SASH1: variants seen among roughly 807,000 people sequenced by gnomAD.
SASH1 encodes the protein SAM and SH3 domain-containing protein 1.
SASH1 carries 44 observed loss-of-function variants against 125.2 expected under a neutral mutation model. The observed-to-expected ratio is 0.35, with a 90% CI of 0.28 to 0.45. The LOEUF (loss-of-function observed/expected upper bound fraction) is 0.45. Among genes scored for constraint, SASH1 ranks in the 20% least tolerant of loss-of-function variants. The pLI is 1.00. For synonymous variants in SASH1, 639 were observed against 649.1 expected (o/e 0.98, Z 0.24); for missense variants, 1,426 against 1,614.5 (o/e 0.88, Z 2.00).
At chr6:148,447,942 C>G (rs548508767) in intron 4 of SASH1, among the ~76,000 whole-genome samples, 4 of 152,150 alleles carry the variant, frequency 2.6e-5, no homozygotes, top group Non-Finnish European at 4.4e-5. Flanking sequence ...ACCATTACCC[C>G]CCGCTGCCCA....
chr6:148,498,126 G>A (rs1330054143), intron 8 of SASH1, among the ~76,000 whole-genome samples: 1 of 151,832 alleles, frequency 6.6e-6, no homozygotes, highest in African/African-American at 2.4e-5. Context: ...GCTCACACCT[G>A]TAATCCCAGC....
chr6:148,447,489 C>G (rs1362064690), intron 4 of SASH1, among the ~76,000 whole-genome samples: 1 of 152,200 alleles, frequency 6.6e-6, no homozygotes, highest in Non-Finnish European at 1.5e-5. Flanking sequence ...TCTTCACCCT[C>G]TTTCCTCTGA....
At chr6:148,260,264 A>G in the SASH1 span, among the ~76,000 whole-genome samples, 1 of 152,150 alleles carries the variant, frequency 6.6e-6, no homozygotes, top group South Asian at 2.1e-4. Context: ...AAGAAGCTTA[A>G]TTTTTATATT....
At chr6:148,398,656 C>G (rs1329599844) in intron 2 of SASH1, among the ~76,000 whole-genome samples, 1 of 152,118 alleles carries the variant, frequency 6.6e-6, no homozygotes, top group African/African-American at 2.4e-5. Context: ...GCTGAAGCCC[C>G]GTTGTTTCTC....
upstream of SASH1, among the ~76,000 whole-genome samples, chr6:148,342,370 G>A (rs1781352920): frequency 6.6e-6 from 1 of 151,868 alleles, no homozygotes; most frequent in South Asian, 2.1e-4. Flanking sequence ...GTCGCTTAAA[G>A]ATTAACTTTC....
At chr6:148,446,373 G>C (rs996258417) in intron 4 of SASH1, among the ~76,000 whole-genome samples, 21 of 152,130 alleles carry the variant, frequency 1.4e-4, no homozygotes, top group Non-Finnish European at 2.9e-5. Flanking sequence ...CTCCTAAAGT[G>C]CTGGGATGAC....
Position 148,342,996 on chromosome 6 carries a change from C to A in SASH1, c.-72C>A. 1 of 1,074,744 alleles carries A rather than the reference C, an allele frequency of 9.3e-7. No individual in the cohort carries two copies. 66.6% of individuals were successfully genotyped at this position (1,074,744 alleles called of 1,614,324 possible). A position where few individuals can be genotyped will look rare whatever the true frequency, so the allele number is the denominator to read the frequency against. ...CGCGGGCGGGGACCCGGCATCCGGG[C>A]AGGCTGCGCGCGGGTGCGGGGCGAG... On this transcript the variant is annotated 5_prime_UTR_variant, in exon 1 of 20. Coordinates refer to ENST00000367467, the MANE Select transcript of SASH1 (RefSeq NM_015278.5).
At chr6:148,351,191 G>GTTTTTT (rs67285564) in intron 1 of SASH1, among the ~76,000 whole-genome samples, 1 of 102,156 alleles carries the variant, frequency 9.8e-6, no homozygotes, top group Non-Finnish European at 2.0e-5. Flanking sequence ...TGCGATAGTA[G>GTTTTTT]TTTTTTTTTT....
chr6:148,333,725 C>A, intron 1 of SASH1, among the ~76,000 whole-genome samples: 1 of 152,104 alleles, frequency 6.6e-6, no homozygotes, highest in East Asian at 1.9e-4. Flanking sequence ...CCACACCTGA[C>A]TAATTTTGTA....
At chr6:148,350,059 A>C (rs571037429) in intron 1 of SASH1, among the ~76,000 whole-genome samples, 113 of 152,024 alleles carry the variant, frequency 7.4e-4, no homozygotes, top group Non-Finnish European at 7.8e-4. Context: ...GTTAGCCAGG[A>C]TGGTCTCGAT....
At chr6:148,457,769 G>A (rs1367868005) in intron 4 of SASH1, among the ~76,000 whole-genome samples, 1 of 152,142 alleles carries the variant, frequency 6.6e-6, no homozygotes, top group African/African-American at 2.4e-5. Flanking sequence ...CAGTTCAACA[G>A]GGCTGGGGAG....
the SASH1 span, among the ~76,000 whole-genome samples, chr6:148,206,173 C>T: frequency 6.6e-6 from 1 of 151,990 alleles, no homozygotes; most frequent in Non-Finnish European, 1.5e-5. Flanking sequence ...TGGGCCCTTG[C>T]TGTATTGTCA....
the SASH1 span, among the ~76,000 whole-genome samples, chr6:148,252,624 G>C: frequency 6.6e-6 from 1 of 151,950 alleles, no homozygotes; most frequent in Non-Finnish European, 1.5e-5. Context: ...GATTATAGGC[G>C]CTTGCCACCA....
At chr6:148,303,782 A>AAAATAAATAAAT (rs201590424) in intron 1 of SASH1, among the ~76,000 whole-genome samples, 14 of 147,388 alleles carry the variant, frequency 9.5e-5, no homozygotes, top group South Asian at 2.2e-4. Context: ...CTGTCTCAAC[A>AAAATAAATAAAT]AAATAAATAA....
At chr6:148,340,799 T>C (rs1781297133), upstream of SASH1, among the ~76,000 whole-genome samples, 1 of 152,184 alleles carries the variant, frequency 6.6e-6, no homozygotes, top group Non-Finnish European at 1.5e-5. Context: ...CTCAATGCTA[T>C]TAAGGAGAAA....
At chr6:148,332,552 C>T (rs1006637897) in intron 1 of SASH1, among the ~76,000 whole-genome samples, 3 of 151,542 alleles carry the variant, frequency 2.0e-5, no homozygotes, top group African/African-American at 7.3e-5. Context: ...AATATTTAAT[C>T]GTCTGCCCTT....
rs1258532105 is a variant in SASH1 at position 148,551,841 on chromosome 6, C to T, written c.*3283C>T. On this transcript the variant is annotated 3_prime_UTR_variant, in exon 20 of 20. Transcript: ENST00000367467. Reference sequence around the variant, plus strand: ...CTGTTCTTAAAAACATTGTAAGTAGCTGTAATATACCAGTACCAATATGTT... The same window carrying T: ...CTGTTCTTAAAAACATTGTAAGTAGTTGTAATATACCAGTACCAATATGTT... The T allele has an allele frequency of 6.6e-6, 1 of 152,562 alleles. No homozygotes were observed. The highest frequency in any genetic ancestry group is 1.5e-5 in the Non-Finnish European group (1 of 68,030). 9.5% of individuals were successfully genotyped at this position (152,562 alleles called of 1,614,324 possible).
chr6:148,459,641 T>C (rs1777525142), intron 4 of SASH1, among the ~76,000 whole-genome samples: 1 of 151,872 alleles, frequency 6.6e-6, no homozygotes, highest in Non-Finnish European at 1.5e-5. Flanking sequence ...AGTTAAGAAA[T>C]GGAAGTATAT....
chr6:148,443,976 C>CA (rs1264568101), intron 4 of SASH1, among the ~76,000 whole-genome samples: 2 of 152,188 alleles, frequency 1.3e-5, no homozygotes, highest in Non-Finnish European at 2.9e-5. Flanking sequence ...CATTCTGCGT[C>CA]AGAGTGGTGT....
Sources: gnomAD v4.1 joint callset for allele counts (sites outside exome capture counted in the v4.1 genomes callset) on GRCh38, gnomAD v4.1.1 for gene constraint, MANE v1.5 for transcripts, NCBI Gene and HGNC (gene_info 2026-07-23, HGNC 2026-07-21) for gene names.